The following GALNT13 variants were observed in gnomAD, a reference collection of about 807,000 sequenced individuals.
GALNT13 encodes the protein polypeptide N-acetylgalactosaminyltransferase 13, also known as UDP-GalNAc:polypeptide N-acetylgalactosaminyltransferase 13.
A neutral mutation model predicts 64.2 loss-of-function variants in GALNT13; 28 were observed. The observed-to-expected ratio is 0.44, with a 90% confidence interval of 0.32 to 0.60. The LOEUF (loss-of-function observed/expected upper bound fraction) is 0.60, where lower values mean the gene tolerates loss of function less well. Among genes scored for constraint, GALNT13 ranks in the 20% least tolerant of loss-of-function variants. The pLI is 0.05. For synonymous variants in GALNT13, 214 were observed against 224.6 expected (o/e 0.95, Z 0.42); for missense variants, 577 against 669.8 (o/e 0.86, Z 1.53).
intron 3 of GALNT13, among the ~76,000 whole-genome samples, chr2:154,090,710 C>T (rs1429985143): frequency 2.0e-5 from 3 of 151,964 alleles, no homozygotes; most frequent in Non-Finnish European, 4.4e-5. Flanking sequence ...TAACTTTCCT[C>T]TATTAGGATA....
the GALNT13 span, among the ~76,000 whole-genome samples, chr2:153,604,976 T>C: frequency 6.6e-6 from 1 of 151,938 alleles, no homozygotes; most frequent in African/African-American, 2.4e-5. Context: ...GGAAGGTAAA[T>C]GACTTTTTTG....
At chr2:153,432,254 T>C in the GALNT13 span, among the ~76,000 whole-genome samples, 3 of 152,176 alleles carry the variant, frequency 2.0e-5, no homozygotes, top group Admixed American at 2.0e-4. Flanking sequence ...CAGGATAGTA[T>C]TCCAAAGACT....
the GALNT13 span, among the ~76,000 whole-genome samples, chr2:153,808,808 A>G: frequency 6.6e-6 from 1 of 152,132 alleles, no homozygotes; most frequent in Non-Finnish European, 1.5e-5. Flanking sequence ...GTGATTAATC[A>G]CTTTAATCAC....
the GALNT13 span, among the ~76,000 whole-genome samples, chr2:153,127,367 C>A: frequency 6.6e-6 from 1 of 152,054 alleles, no homozygotes; most frequent in Admixed American, 6.6e-5. Context: ...CTCTCATATC[C>A]ATGTACCTCA....
At chr2:153,289,717 A>G in the GALNT13 span, among the ~76,000 whole-genome samples, 7 of 152,358 alleles carry the variant, frequency 4.6e-5, no homozygotes, top group East Asian at 1.4e-3. Context: ...TTACATCTCA[A>G]GTAACTTCAG....
chr2:154,225,898 CT>C (rs1688593913), intron 4 of GALNT13, among the ~76,000 whole-genome samples: 1 of 152,012 alleles, frequency 6.6e-6, no homozygotes, highest in Non-Finnish European at 1.5e-5. Context: ...ACAGTCCTTC[CT>C]TATGGGTGTG....
chr2:153,290,389 T>C, the GALNT13 span, among the ~76,000 whole-genome samples: 1 of 152,128 alleles, frequency 6.6e-6, no homozygotes, highest in African/African-American at 2.4e-5. Flanking sequence ...TGGTTATTTG[T>C]GGGTATTTAA....
At chr2:153,257,115 G>A in the GALNT13 span, among the ~76,000 whole-genome samples, 19,936 of 152,252 alleles carry the variant, frequency 0.13, 1,649 homozygotes, top group Non-Finnish European at 0.18. Context: ...CTCCCTGGGC[G>A]TAGGACCCTC....
At chr2:153,483,172 T>C in the GALNT13 span, among the ~76,000 whole-genome samples, 3 of 152,096 alleles carry the variant, frequency 2.0e-5, no homozygotes, top group Admixed American at 6.6e-5. Flanking sequence ...TGGTGGTTCC[T>C]CAAAAAATTA....
the GALNT13 span, among the ~76,000 whole-genome samples, chr2:153,075,188 G>C: frequency 6.6e-6 from 1 of 152,174 alleles, no homozygotes; most frequent in African/African-American, 2.4e-5. Flanking sequence ...GAAATCAGCT[G>C]TCTTTCTAAA....
the GALNT13 span, among the ~76,000 whole-genome samples, chr2:153,292,194 G>A: frequency 1.3e-5 from 2 of 152,114 alleles, no homozygotes; most frequent in African/African-American, 4.8e-5. Context: ...TGAACCATTA[G>A]CTGTTTCACC....
chr2:153,867,685 C>A (rs1294735833), upstream of GALNT13, among the ~76,000 whole-genome samples: 1 of 151,634 alleles, frequency 6.6e-6, no homozygotes, highest in East Asian at 1.9e-4. Context: ...AGTGGGAGCC[C>A]TCGGCTTGTA....
chr2:153,338,482 A>T, the GALNT13 span, among the ~76,000 whole-genome samples: 3 of 152,192 alleles, frequency 2.0e-5, no homozygotes, highest in Non-Finnish European at 4.4e-5. Flanking sequence ...GTCTGCAATT[A>T]TTTTAATTTT....
the GALNT13 span, among the ~76,000 whole-genome samples, chr2:153,577,238 A>G: frequency 4.6e-5 from 7 of 152,158 alleles, no homozygotes. Flanking sequence ...TTGATATATA[A>G]ACTTTTCTTT....
intron 3 of GALNT13, among the ~76,000 whole-genome samples, chr2:154,104,582 T>C (rs762302226): frequency 2.2e-4 from 33 of 152,294 alleles, no homozygotes; most frequent in Non-Finnish European, 3.7e-4. Flanking sequence ...GACAAAACAA[T>C]GCTCCCCTCT....
chr2:153,146,737 T>C, the GALNT13 span, among the ~76,000 whole-genome samples: 1 of 151,844 alleles, frequency 6.6e-6, no homozygotes. Context: ...CTACTAAAGC[T>C]AGAGAAAGAT....
the GALNT13 span, among the ~76,000 whole-genome samples, chr2:153,586,084 T>G: frequency 6.6e-6 from 1 of 152,002 alleles, no homozygotes; most frequent in African/African-American, 2.4e-5. Context: ...GAGAAAGGAA[T>G]CAAATGACAC....
At chr2:153,360,364 G>A in the GALNT13 span, among the ~76,000 whole-genome samples, 1 of 152,204 alleles carries the variant, frequency 6.6e-6, no homozygotes, top group African/African-American at 2.4e-5. Flanking sequence ...ATTCTCAACA[G>A]CCACTCAGCT....
At chr2:153,213,980 T>C in the GALNT13 span, among the ~76,000 whole-genome samples, 4 of 152,200 alleles carry the variant, frequency 2.6e-5, no homozygotes, top group Admixed American at 6.5e-5. Flanking sequence ...GCCATTCTTA[T>C]GCAACCCCGA....
Sources: allele counts gnomAD v4.1 joint callset (sites outside exome capture counted in the v4.1 genomes callset), GRCh38; gene constraint gnomAD v4.1.1; transcripts MANE v1.5; gene names NCBI Gene and HGNC (gene_info 2026-07-23, HGNC 2026-07-21).